The following TUBB8 variants were observed in gnomAD, a reference collection of about 807,000 sequenced individuals.
TUBB8 encodes tubulin beta 8 class VIII, also known as tubulin beta-8 chain.
In TUBB8, 25 loss-of-function variants were observed where a neutral mutation model predicts 33.7. That is an observed-to-expected ratio of 0.74 (90% CI 0.54 to 1.04). The LOEUF (loss-of-function observed/expected upper bound fraction) is 1.04. TUBB8 is among the 50% of genes least tolerant of loss of function. The pLI, the probability that TUBB8 is intolerant of heterozygous loss-of-function variation, is 0.00. For missense variants in TUBB8, 279 were observed against 608.0 expected (o/e 0.46, Z 5.69); for synonymous variants, 245 against 240.1 (o/e 1.02, Z -0.19).
chr10:62,526 C>T (rs1554741035), intron 1 of TUBB8, among the ~76,000 whole-genome samples: 1 of 152,206 alleles, frequency 6.6e-6, no homozygotes, highest in East Asian at 1.9e-4. Flanking sequence ...GAGATTTTTG[C>T]ACACCATAAT....
rs545406089 is a variant in TUBB8 at position 72,877 on chromosome 10, G to GA, written c.-846+1091dup. Among the ~76,000 whole-genome samples the GA allele has an allele frequency of 2.2e-3, 327 of 147,326 alleles. 2 individuals are homozygous for GA. The highest frequency in any genetic ancestry group is 7.9e-3 in the African/African-American group (314 of 39,614). On this transcript the variant is annotated intron_variant, in intron 1 of 3. Transcript: ENST00000564130. ...AAAAAAAAAAAAAAAAAAGCAAAAA[G>GA]AAAAAATAAGAAAAGACACCGCAGG...
chr10:73,358 T>A, intron 1 of TUBB8, among the ~76,000 whole-genome samples: 1 of 152,208 alleles, frequency 6.6e-6, no homozygotes, highest in East Asian at 1.9e-4. Flanking sequence ...CACGGAGCAC[T>A]GACCAGGCCA....
rs1554738191 is a variant in TUBB8 at position 47,555 on chromosome 10, C to A, written c.837G>T (p.Gln279His). The A allele has an allele frequency of 6.2e-7, 1 of 1,611,728 alleles. No individual in the cohort carries two copies. Among genetic ancestry groups the A allele is most frequent in the Non-Finnish European group, 8.5e-7 (1 of 1,180,034 alleles). ...CAGCCACAGTCAAGGCCCGGTACTG[C>A]TGGCTGCCCCGGCTGGTCAGTGGGG... ...GFAPLTSRGS[Q>H]QYRALTVAEL... The change falls in exon 4 of 4, where the codon CAG (glutamine) becomes CAT (histidine). Residue 279 changes from glutamine to histidine, a missense_variant. Gln to His is a conservative substitution (Grantham distance 24). Around this residue, in one of 4 missense-constraint regions of TUBB8, gnomAD observed 123 missense variants for 228.9 expected, o/e 0.54. Transcript: ENST00000568584.
chr10:57,020 G>A (rs1289394558), intron 1 of TUBB8, among the ~76,000 whole-genome samples: 1 of 152,154 alleles, frequency 6.6e-6, no homozygotes, highest in Non-Finnish European at 1.5e-5. Flanking sequence ...ATTCTAAAAG[G>A]AAGAAATCAG....
At position 48,500 on chromosome 10, in the gene TUBB8, G is replaced by C. The variant is rs1438071064; in HGVS notation, c.277+115C>G. On this transcript the variant is annotated intron_variant, in intron 3 of 3. Coordinates refer to ENST00000568584, the MANE Select transcript of TUBB8 (RefSeq NM_177987.3). Reference sequence around the variant, plus strand: ...ATTGAGCGACTCGACTCGGAGGATAGGAGGGTGTTCAGGGGCCCTAGCTCC... The same window carrying C: ...ATTGAGCGACTCGACTCGGAGGATACGAGGGTGTTCAGGGGCCCTAGCTCC... 5 of 998,552 alleles carry C rather than the reference G, an allele frequency of 5.0e-6. No individual in the cohort carries two copies. In the Admixed American group the frequency reaches 5.7e-5, roughly 11 times the overall value. 61.9% of individuals were successfully genotyped at this position (998,552 alleles called of 1,614,324 possible). A position where few individuals can be genotyped will look rare whatever the true frequency, so the allele number is the denominator to read the frequency against.
intron 1 of TUBB8, among the ~76,000 whole-genome samples, chr10:65,995 G>C (rs1447497895): frequency 6.6e-6 from 1 of 152,218 alleles, no homozygotes; most frequent in Non-Finnish European, 1.5e-5. Context: ...ACCAGGGATA[G>C]GAATTTTCTA....
chr10:48,458 C>A, intron 3 of TUBB8, 157 bp downstream of exon 3: 2 of 743,012 alleles, frequency 2.7e-6, no homozygotes, highest in Non-Finnish European at 4.7e-6. Flanking sequence ...CTCCCGAAGC[C>A]CATTTAGGAG....
In TUBB8 at chr10:56,097, T is replaced by G. The variant is rs187926136; in HGVS notation, c.-845-5864A>C. On this transcript the variant is annotated intron_variant, in intron 1 of 3. Transcript: ENST00000564130. Reference sequence around the variant, plus strand: ...ATCGCATGGACATTTTTTAAAATACTGATTCTTCCAATCTGTGAACATAGA... The same window carrying G: ...ATCGCATGGACATTTTTTAAAATACGGATTCTTCCAATCTGTGAACATAGA... 5.9e-3 allele frequency among the ~76,000 whole-genome samples: 893 copies of G among 152,370 alleles called. 4 individuals carry two copies. Among genetic ancestry groups the G allele is most frequent in the African/African-American group, 0.021 (865 of 41,586 alleles).
intron 1 of TUBB8, among the ~76,000 whole-genome samples, chr10:69,368 A>G (rs1365519235): frequency 1.3e-5 from 2 of 152,176 alleles, no homozygotes; most frequent in African/African-American, 4.8e-5. Flanking sequence ...ACCCTTAGCA[A>G]ATTGTCTAAG....
At chr10:73,575 G>A (rs1834766061) in intron 1 of TUBB8, among the ~76,000 whole-genome samples, 1 of 151,940 alleles carries the variant, frequency 6.6e-6, no homozygotes, top group Non-Finnish European at 1.5e-5. Flanking sequence ...CCCAGGAGGC[G>A]GAGGTTGCAG....
At chr10:57,813 CT>C (rs113012935) in intron 1 of TUBB8, among the ~76,000 whole-genome samples, 4 of 145,848 alleles carry the variant, frequency 2.7e-5, no homozygotes, top group Non-Finnish European at 6.1e-5. Context: ...TCAACACTTG[CT>C]TTTTTTTTAA....
upstream of TUBB8, among the ~76,000 whole-genome samples, chr10:74,625 C>CAAAAAAAAAAAAAAAAAAAAAAAA (rs35723619): frequency 1.1e-5 from 1 of 89,678 alleles, no homozygotes; most frequent in Non-Finnish European, 2.2e-5. Context: ...GACTCAGTAT[C>CAAAAAAAAAAAAAAAAAAAAAAAA]AAAAAAAAAA....
At chr10:66,883 G>A (rs1331142631) in intron 1 of TUBB8, among the ~76,000 whole-genome samples, 1 of 151,568 alleles carries the variant, frequency 6.6e-6, no homozygotes, top group Non-Finnish European at 1.5e-5. Context: ...TGAGGCGGGA[G>A]GATCACTTGA....
chr10:50,039 G>A (rs1834446495), upstream of TUBB8: 1 of 154,048 alleles, frequency 6.5e-6, no homozygotes, highest in African/African-American at 2.4e-5. Flanking sequence ...GTGTCAGTAA[G>A]CATTAGCAAA....
At position 49,275 on chromosome 10, in the gene TUBB8, G is replaced by A. The variant is rs1465056976; in HGVS notation, c.-37C>T. 51 of 1,569,198 alleles carry A rather than the reference G, an allele frequency of 3.3e-5. No homozygotes were observed. Among genetic ancestry groups the A allele is most frequent in the Non-Finnish European group, 4.1e-5 (48 of 1,157,494 alleles). On this transcript the variant is annotated 5_prime_UTR_variant, in exon 1 of 4. Coordinates refer to ENST00000568584, the MANE Select transcript of TUBB8 (RefSeq NM_177987.3). ...GATTAGGACGGCAGGAGAAACGTGA[G>A]AAGGAGGAGCAGACGCGCAGCGACC... is the stretch of plus-strand genomic sequence containing the variant.
rs1415821720 is a variant in TUBB8, at chr10:47,537, A to T, written c.855T>A (p.Thr285=). The stretch of plus-strand genomic sequence containing the variant: ...ACATCTGCTGGGTAAGCTCAGCCAC[A>T]GTCAAGGCCCGGTACTGCTGGCTGC... The part of the protein sequence containing the change: ...SRGSQQYRAL[T]VAELTQQMFD... The change falls in exon 4 of 4, where the codon ACT becomes ACA. Residue 285 remains threonine, a synonymous_variant. Coordinates refer to ENST00000568584, the MANE Select transcript of TUBB8 (RefSeq NM_177987.3). 3 of 1,611,972 alleles carry T rather than the reference A, an allele frequency of 1.9e-6. No individual in the cohort carries two copies. The highest frequency in any genetic ancestry group is 1.7e-5 in the Admixed American group (1 of 60,002).
rs781814641 is a variant in TUBB8 at position 47,318 on chromosome 10, G to A, written c.1074C>T (p.Pro358=). 4.3e-6 allele frequency: 7 copies of A among 1,613,526 alleles called. No homozygotes were observed. The highest frequency in any genetic ancestry group is 3.3e-5 in the South Asian group (3 of 91,054). ...NVKTAVCDIP[P]RGLKMSATFI... ...AGGTGGCTGACATTTTTAGCCCCCGGGGTGGGATGTCACAGACGGCTGTTT... is the reference window on the plus strand; with the variant it reads ...AGGTGGCTGACATTTTTAGCCCCCGAGGTGGGATGTCACAGACGGCTGTTT... The change falls in exon 4 of 4, where the codon CCC becomes CCT. Residue 358 remains proline, a synonymous_variant. Coordinates refer to ENST00000568584, the MANE Select transcript of TUBB8 (RefSeq NM_177987.3).
intron 1 of TUBB8, among the ~76,000 whole-genome samples, chr10:56,847 C>A (rs781761361): frequency 6.6e-6 from 1 of 152,182 alleles, no homozygotes; most frequent in Non-Finnish European, 1.5e-5. Flanking sequence ...ATCATGACAT[C>A]CCAATAATCC....
chr10:73,886 TC>T, intron 1 of TUBB8: 1 of 145,672 alleles, frequency 6.9e-6, no homozygotes. Flanking sequence ...CAAAGTGAAG[TC>T]CACATACAAA....
Sources: allele counts gnomAD v4.1 joint callset (sites outside exome capture counted in the v4.1 genomes callset), GRCh38; gene constraint gnomAD v4.1.1; regional missense constraint gnomAD v4.1.1; transcripts MANE v1.5; gene names NCBI Gene and HGNC (gene_info 2026-07-23, HGNC 2026-07-21).